ABCG1: variants seen among roughly 807,000 people sequenced by gnomAD.
ABCG1 encodes ATP-binding cassette sub-family G member 1.
A neutral mutation model predicts 69.2 loss-of-function variants in ABCG1; 29 were observed. The ratio of observed to expected loss-of-function variants is 0.42; its 90% confidence interval spans 0.31 to 0.57. The LOEUF (loss-of-function observed/expected upper bound fraction) is 0.57. ABCG1 is among the 20% of genes least tolerant of loss of function. ABCG1 has a pLI of 0.15. For missense variants in ABCG1, 718 were observed against 898.1 expected (o/e 0.80, Z 2.56); for synonymous variants, 370 against 374.8 (o/e 0.99, Z 0.15).
chr21:42,264,153 G>T (rs992775125), intron 2 of ABCG1, among the ~76,000 whole-genome samples: 24 of 152,184 alleles, frequency 1.6e-4, no homozygotes, highest in Non-Finnish European at 2.9e-5. Context: ...GGGTTGGCCA[G>T]CTGGCCTTTA....
intron 2 of ABCG1, among the ~76,000 whole-genome samples, chr21:42,235,636 A>T (rs2067968448): frequency 6.6e-6 from 1 of 152,142 alleles, no homozygotes; most frequent in African/African-American, 2.4e-5. Flanking sequence ...ATTTTTTTCT[A>T]ATTGGTTAAG....
intron 2 of ABCG1, chr21:42,256,556 G>A: frequency 6.5e-7 from 1 of 1,544,380 alleles, no homozygotes; most frequent in Non-Finnish European, 8.8e-7. Context: ...TATCCCATCT[G>A]CATTCTCTGG....
chr21:42,278,027 G>A (rs1029925861), intron 5 of ABCG1, among the ~76,000 whole-genome samples: 1 of 152,180 alleles, frequency 6.6e-6, no homozygotes, highest in African/African-American at 2.4e-5. Context: ...TGAAATGCCC[G>A]GTGCAGGTGG....
At chr21:42,246,176 C>T (rs958537143) in intron 2 of ABCG1, among the ~76,000 whole-genome samples, 16 of 152,280 alleles carry the variant, frequency 1.1e-4, no homozygotes, top group Admixed American at 7.8e-4. Flanking sequence ...ATTTGCAGAA[C>T]GGTGCAGTGA....
chr21:42,284,762 C>T, intron 7 of ABCG1, 79 bp downstream of exon 7: 4 of 1,546,464 alleles, frequency 2.6e-6, no homozygotes, highest in Non-Finnish European at 3.5e-6. Flanking sequence ...CCTGGGTACC[C>T]ACTGCCTTCT....
upstream of ABCG1, among the ~76,000 whole-genome samples, chr21:42,216,882 G>A (rs2067646684): frequency 6.6e-6 from 1 of 152,208 alleles, no homozygotes. Flanking sequence ...TGCTGGGCAT[G>A]CTAGAAAGTG....
chr21:42,204,682 C>A (rs2067529963), intron 2 of ABCG1, among the ~76,000 whole-genome samples: 1 of 152,066 alleles, frequency 6.6e-6, no homozygotes, highest in South Asian at 2.1e-4. Context: ...TCATGAGGGC[C>A]ATTGGTCTGC....
At chr21:42,281,299 TG>T (rs1309549772) in intron 5 of ABCG1, among the ~76,000 whole-genome samples, 17 of 152,090 alleles carry the variant, frequency 1.1e-4, no homozygotes, top group African/African-American at 4.1e-4. Flanking sequence ...GGACAATAGC[TG>T]GGTGAATGCT....
At chr21:42,294,367 G>C (rs1028549187) in intron 13 of ABCG1, among the ~76,000 whole-genome samples, 175 bp from the exon 14 acceptor site, 5 of 152,212 alleles carry the variant, frequency 3.3e-5, no homozygotes, top group Admixed American at 3.3e-4. Context: ...GGTCCTCAGA[G>C]ATGGTGACCC....
chr21:42,294,442 C>T, intron 13 of ABCG1, 100 bp from the exon 14 acceptor site: 2 of 889,608 alleles, frequency 2.2e-6, no homozygotes, highest in South Asian at 1.4e-5. Flanking sequence ...CCAGAAGGTG[C>T]CCTGGCCCTG....
chr21:42,267,611 G>C (rs1232491669), intron 2 of ABCG1, among the ~76,000 whole-genome samples: 1 of 150,302 alleles, frequency 6.7e-6, no homozygotes, highest in Non-Finnish European at 1.5e-5. Context: ...TTCTGTCTGG[G>C]TGTGGTCTGG....
chr21:42,288,119 C>T lies in ABCG1; in HGVS notation c.1122+82C>T, dbSNP rs368888803. The T allele has an allele frequency of 4.9e-5, 79 of 1,610,562 alleles. No homozygotes were observed. Among genetic ancestry groups the T allele is most frequent in the African/African-American group, 1.1e-4 (8 of 74,868 alleles). On this transcript the variant is annotated intron_variant, in intron 9 of 14. Transcript: ENST00000398449. The surrounding 1 kb of genome is among the most constrained non-coding windows in gnomAD (Gnocchi z 4.8). ...CCCTGGGGGAGGCTGCACGTGGCACCGTGCACTGCTGCATGAGAGCTCTTT... is the reference window on the plus strand; with the variant it reads ...CCCTGGGGGAGGCTGCACGTGGCACTGTGCACTGCTGCATGAGAGCTCTTT...
intron 13 of ABCG1, among the ~76,000 whole-genome samples, chr21:42,293,749 C>T (rs1601462976): frequency 6.6e-6 from 1 of 150,692 alleles, no homozygotes; most frequent in Admixed American, 6.6e-5. Context: ...ATACACACAC[C>T]ACACAGTACA....
intron 2 of ABCG1, among the ~76,000 whole-genome samples, chr21:42,231,517 C>T (rs993368392): frequency 1.8e-4 from 27 of 152,344 alleles, no homozygotes; most frequent in South Asian, 6.2e-4. Context: ...TTCTCAAATT[C>T]GGGGTTGCTT....
upstream of ABCG1, among the ~76,000 whole-genome samples, chr21:42,213,533 C>T (rs1437118896): frequency 6.6e-6 from 1 of 152,250 alleles, no homozygotes. Context: ...GGCAGGGCCA[C>T]CTGAAGACCT....
upstream of ABCG1, among the ~76,000 whole-genome samples, chr21:42,215,845 A>G (rs1382191860): frequency 1.3e-5 from 2 of 152,196 alleles, no homozygotes; most frequent in Non-Finnish European, 2.9e-5. Flanking sequence ...AGGGAGTCCA[A>G]TTGGACACAG....
chr21:42,205,873 ATATTTTTATTTTCATTTTTCATG>A (rs1427170959), intron 2 of ABCG1, among the ~76,000 whole-genome samples: 1 of 152,092 alleles, frequency 6.6e-6, no homozygotes, highest in East Asian at 1.9e-4. Context: ...ACAAATTTTG[ATATTTTTATTTTCATTTTTCATG>A]TATTTTTATT....
At chr21:42,289,369 G>T (rs2069009959) in intron 10 of ABCG1, among the ~76,000 whole-genome samples, 1 of 152,186 alleles carries the variant, frequency 6.6e-6, no homozygotes, top group South Asian at 2.1e-4. Context: ...ACTTCCAGTT[G>T]GAAGTGGCAA....
intron 13 of ABCG1, among the ~76,000 whole-genome samples, chr21:42,292,339 G>A (rs1326601350): frequency 2.0e-5 from 3 of 152,066 alleles, no homozygotes; most frequent in Non-Finnish European, 4.4e-5. Context: ...CCTCACCTTA[G>A]ATGAGGACTG....
Sources: allele counts gnomAD v4.1 joint callset (sites outside exome capture counted in the v4.1 genomes callset), GRCh38; gene constraint gnomAD v4.1.1; non-coding constraint Gnocchi (gnomAD v3.1); transcripts MANE v1.5; gene names NCBI Gene and HGNC (gene_info 2026-07-23, HGNC 2026-07-21).